Variants in ZNF511 observed in about 807,000 individuals in gnomAD.
The protein encoded by ZNF511 is zinc finger protein 511.
Under a neutral mutation model 24.8 loss-of-function variants are expected in ZNF511, and 26 were observed. The observed-to-expected ratio is 1.05, with a 90% CI of 0.77 to 1.46. ZNF511 has a LOEUF of 1.46. ZNF511 is among the 40% of genes most tolerant of loss of function. The pLI is 0.00. For missense variants in ZNF511, 358 were observed against 345.0 expected (o/e 1.04, Z -0.30); for synonymous variants, 144 against 139.6 (o/e 1.03, Z -0.22).
intron 5 of ZNF511, chr10:133,312,144 G>C: frequency 7.0e-7 from 1 of 1,436,514 alleles, no homozygotes; most frequent in Non-Finnish European, 9.1e-7. Flanking sequence ...TCACAACCCA[G>C]GCGTCTGCCT....
Position 133,309,087 on chromosome 10 carries a change from GT to G in ZNF511, c.146del (p.Phe49SerfsTer16). On this transcript the variant is annotated frameshift_variant, in exon 1 of 6. Coordinates refer to ENST00000361518, the MANE Select transcript of ZNF511 (RefSeq NM_145806.4). LOFTEE classifies it high-confidence loss of function. ...CCGTGCGCTTCCCGCGGGAGCACCA[GT>G]TCTTCGAGGTGCGTGAGCAAAAGAG... ...RPVRFPREHQ[F>X]FEDGDVQRHL... The G allele has an allele frequency of 1.5e-6, 2 of 1,313,388 alleles. No individual in the cohort carries two copies. Among genetic ancestry groups the G allele is most frequent in the Non-Finnish European group, 1.9e-6 (2 of 1,026,434 alleles). 81.4% of individuals were successfully genotyped at this position (1,313,388 alleles called of 1,614,324 possible).
chr10:133,310,277 G>T lies in ZNF511; in HGVS notation c.543G>T (p.Lys181Asn). 2 of 1,613,964 alleles carry T rather than the reference G, an allele frequency of 1.2e-6. No individual in the cohort carries two copies. The highest frequency in any genetic ancestry group is 1.7e-6 in the Non-Finnish European group (2 of 1,180,044). ...CGGACTTCCGGTTTGATAAGCCAAAGAAAAGCAGAAGGTAGGGAGCCGCCA... is the reference window on the plus strand; with the variant it reads ...CGGACTTCCGGTTTGATAAGCCAAATAAAAGCAGAAGGTAGGGAGCCGCCA... ...YPADFRFDKP[K>N]KSRSPASAEA... The change falls in exon 4 of 6, where the codon AAG becomes AAT. Residue 181 changes from lysine (K) to asparagine (N), a missense_variant. By Grantham distance (94) the Lys-to-Asn change is moderately conservative. Coordinates refer to ENST00000361518, the MANE Select transcript of ZNF511 (RefSeq NM_145806.4).
rs3008357 is a variant in ZNF511, at chr10:133,309,003, G to A, written c.60G>A (p.Pro20=). The part of the protein sequence containing the change: ...RLAAGPGAAE[P]LPVERDPAAG... ...CTGCGGGGCCCGGGGCGGCGGAGCC[G>A]CTGCCTGTAGAGCGGGATCCCGCGG... Residue 20 remains proline, a synonymous_variant, in exon 1 of 6, where the codon CCG becomes CCA. Coordinates refer to ENST00000361518, the MANE Select transcript of ZNF511 (RefSeq NM_145806.4). 187,514 of 1,248,730 alleles carry A rather than the reference G, an allele frequency of 0.15. 15,913 individuals are homozygous for A. Among genetic ancestry groups the A allele is most frequent in the African/African-American group, 0.35 (22,744 of 64,390 alleles). 77.4% of individuals were successfully genotyped at this position (1,248,730 alleles called of 1,614,324 possible).
At chr10:133,312,106 G>A (rs1848004101) in intron 5 of ZNF511, 30 of 1,445,604 alleles carry the variant, frequency 2.1e-5, no homozygotes, top group Non-Finnish European at 2.5e-5. Flanking sequence ...GAGTGGGATG[G>A]AAAGAGTCTC....
chr10:133,311,685 A>G (rs1196882033), intron 4 of ZNF511, 31 bp from the exon 5 acceptor site: 2 of 1,588,634 alleles, frequency 1.3e-6, no homozygotes. Context: ...GGAGCCGTGC[A>G]GGGCAGTTAC....
At chr10:133,310,134 CAG>C in intron 3 of ZNF511, 28 bp from the exon 4 acceptor site, 1 of 1,613,032 alleles carries the variant, frequency 6.2e-7, no homozygotes, top group African/African-American at 1.3e-5. Flanking sequence ...GGCCAGGGGT[CAG>C]AGGGAGGTGA....
At chr10:133,309,613 C>T (rs1354846113) in intron 2 of ZNF511, 150 bp downstream of exon 2, 1 of 1,263,888 alleles carries the variant, frequency 7.9e-7, no homozygotes, top group Non-Finnish European at 1.1e-6. Flanking sequence ...CCGACTCTTC[C>T]ACCACCTAGC....
rs777677169 is a variant in ZNF511 at position 133,309,874 on chromosome 10, G to A, written c.326G>A (p.Cys109Tyr). ...TACCACACGCTGCACGGAAATGTTT[G>A]CTCCTTTTGCAAGCGGGCCTTCCCT... ...HHYHTLHGNV[C>Y]SFCKRAFPSG... Residue 109 changes from cysteine to tyrosine, a missense_variant, in exon 3 of 6, where the codon TGC (cysteine) becomes TAC (tyrosine). Transcript: ENST00000361518. 13 of 1,613,720 alleles carry A rather than the reference G, an allele frequency of 8.1e-6. No individual in the cohort carries two copies. The highest frequency in any genetic ancestry group is 1.1e-5 in the South Asian group (1 of 91,086).
chr10:133,309,349 G>C (rs200301443), intron 1 of ZNF511, 41 bp from the exon 2 acceptor site: 1 of 1,593,574 alleles, frequency 6.3e-7, no homozygotes, highest in Admixed American at 1.7e-5. Flanking sequence ...TGGGCGTGCC[G>C]CGAGTCACCT....
chr10:133,309,506 G>T (rs368532788), intron 2 of ZNF511, 43 bp downstream of exon 2: 18 of 1,586,316 alleles, frequency 1.1e-5, no homozygotes, highest in Non-Finnish European at 9.4e-6. Flanking sequence ...CTCCTGCGCC[G>T]CCTCCCTGAC....
Position 133,309,037 on chromosome 10 carries a change from G to T in ZNF511, c.94G>T (p.Ala32Ser). ...PVERDPAAGA[A>S]PFRFVARPVR... Reference sequence around the variant, plus strand: ...AGAGCGGGATCCCGCGGCTGGGGCCGCGCCCTTTCGCTTCGTTGCGCGCCC... The same window carrying T: ...AGAGCGGGATCCCGCGGCTGGGGCCTCGCCCTTTCGCTTCGTTGCGCGCCC... Residue 32 changes from alanine (A) to serine (S), a missense_variant, in exon 1 of 6, where the codon GCG becomes TCG. Physicochemically the swap from Ala to Ser is moderately conservative, Grantham distance 99. Coordinates refer to ENST00000361518, the MANE Select transcript of ZNF511 (RefSeq NM_145806.4). 7.9e-7 allele frequency: 1 copy of T among 1,270,164 alleles called. No homozygotes were observed. Among genetic ancestry groups the T allele is most frequent in the East Asian group, 3.1e-5 (1 of 31,944 alleles). The allele number at this position is 1,270,164 out of a possible 1,614,324, so 78.7% of individuals were successfully genotyped here.
At chr10:133,312,495 C>T in intron 5 of ZNF511, 1 of 1,297,192 alleles carries the variant, frequency 7.7e-7, no homozygotes, top group Non-Finnish European at 9.8e-7. Context: ...TAGGGGTTTT[C>T]ATGGAATGGA....
At chr10:133,310,977 T>C (rs1847978546) in intron 4 of ZNF511, among the ~76,000 whole-genome samples, 1 of 152,168 alleles carries the variant, frequency 6.6e-6, no homozygotes, top group South Asian at 2.1e-4. Context: ...AAATTTTCTA[T>C]TTTTTGTAGA....
chr10:133,310,524 G>A lies in ZNF511; in HGVS notation c.554+236G>A, dbSNP rs763838910. On this transcript the variant is annotated intron_variant, in intron 4 of 5. Transcript: ENST00000361518. ...GGCTGCCCAGCTCTGTGCCGGTGGA[G>A]GCAGCAGAGGGGGTGTGGGAATGAG... 7 of 552,966 alleles carry A rather than the reference G, an allele frequency of 1.3e-5. No homozygotes were observed. The East Asian group carries it at 1.9e-4, about 15-fold the overall frequency. 34.3% of individuals were successfully genotyped at this position (552,966 alleles called of 1,614,324 possible).
At position 133,312,057 on chromosome 10, in the gene ZNF511, G is replaced by A. The variant is rs145333735; in HGVS notation, c.680+216G>A. 1.3e-3 allele frequency: 1,952 copies of A among 1,479,116 alleles called. 34 individuals carry two copies. The African/African-American group carries it at 0.023, about 17-fold the overall frequency. 91.6% of individuals were successfully genotyped at this position (1,479,116 alleles called of 1,614,324 possible). On this transcript the variant is annotated intron_variant, in intron 5 of 5. Coordinates refer to ENST00000361518, the MANE Select transcript of ZNF511 (RefSeq NM_145806.4). ...TACTCTGTTTTTGAGCCATTGAAGC[G>A]CAGGAATGCCAAGCACCACTCACTT...
At chr10:133,312,076 C>G (rs1848003413) in intron 5 of ZNF511, 1 of 1,458,962 alleles carries the variant, frequency 6.9e-7, no homozygotes. Context: ...CCAAGCACCA[C>G]TCACTTTTCC....
Position 133,309,064 on chromosome 10 carries a change from G to T in ZNF511, c.121G>T (p.Val41Leu). 7.7e-7 allele frequency: 1 copy of T among 1,291,978 alleles called. No homozygotes were observed. Among genetic ancestry groups the T allele is most frequent in the Non-Finnish European group, 9.9e-7 (1 of 1,014,870 alleles). The allele number at this position is 1,291,978 out of a possible 1,614,324, so 80.0% of individuals were successfully genotyped here. A position where few individuals can be genotyped will look rare whatever the true frequency, so the allele number is the denominator to read the frequency against. ...AAPFRFVARP[V>L]RFPREHQFFE... ...GCCCTTTCGCTTCGTTGCGCGCCCCGTGCGCTTCCCGCGGGAGCACCAGTT... is the reference window on the plus strand; with the variant it reads ...GCCCTTTCGCTTCGTTGCGCGCCCCTTGCGCTTCCCGCGGGAGCACCAGTT... Residue 41 changes from valine to leucine, a missense_variant, in exon 1 of 6, where the codon GTG (valine) becomes TTG (leucine). By Grantham distance (32) the Val-to-Leu change is conservative. Transcript: ENST00000361518.
At position 133,309,477 on chromosome 10, in the gene ZNF511, C is replaced by A; in HGVS notation, c.227+14C>A. On this transcript the variant is annotated intron_variant, in intron 2 of 5. Coordinates refer to ENST00000361518, the MANE Select transcript of ZNF511 (RefSeq NM_145806.4). The stretch of plus-strand genomic sequence containing the variant: ...TGAGAAGCCCAGGTAAGCGAATGGG[C>A]AGTGCCTAGCCAGTGCTACTCCTGC... 6.2e-7 allele frequency: 1 copy of A among 1,609,418 alleles called. No individual in the cohort carries two copies. The highest frequency in any genetic ancestry group is 8.5e-7 in the Non-Finnish European group (1 of 1,178,368).
intron 4 of ZNF511, 39 bp downstream of exon 4, chr10:133,310,327 T>C: frequency 6.2e-7 from 1 of 1,611,354 alleles, no homozygotes; most frequent in East Asian, 2.2e-5. Flanking sequence ...CTGCTTTTGA[T>C]TTTAGGAAAA....
Sources: allele counts gnomAD v4.1 joint callset (sites outside exome capture counted in the v4.1 genomes callset), GRCh38; gene constraint gnomAD v4.1.1; transcripts MANE v1.5; gene names NCBI Gene and HGNC (gene_info 2026-07-23, HGNC 2026-07-21).